Variants in CYB5R4 observed in about 807,000 individuals in gnomAD.
CYB5R4 encodes cytochrome b5 reductase 4.
A neutral mutation model predicts 70.2 loss-of-function variants in CYB5R4; 55 were observed. The ratio of observed to expected loss-of-function variants is 0.78; its 90% CI spans 0.63 to 0.98. The LOEUF (loss-of-function observed/expected upper bound fraction) is 0.98, where lower values mean the gene tolerates loss of function less well. Among genes scored for constraint, CYB5R4 ranks in the 50% least tolerant of loss-of-function variants. The pLI, the probability that CYB5R4 is intolerant of heterozygous loss-of-function variation, is 0.00. For synonymous variants in CYB5R4, 197 were observed against 199.5 expected, an observed-to-expected ratio of 0.99 and a Z score of 0.11; for missense variants, 562 against 612.6, an observed-to-expected ratio of 0.92 and a Z score of 0.87.
At chr6:83,930,252 A>G (rs2099467948) in intron 10 of CYB5R4, among the ~76,000 whole-genome samples, 2 of 152,122 alleles carry the variant, frequency 1.3e-5, no homozygotes, top group Non-Finnish European at 2.9e-5. Context: ...CTTAAGAAAA[A>G]ATGAAGTTTG....
intron 8 of CYB5R4, 24 bp downstream of exon 8, chr6:83,921,199 G>T: frequency 6.9e-7 from 1 of 1,448,112 alleles, no homozygotes; most frequent in South Asian, 1.3e-5. Flanking sequence ...TATTATTAAT[G>T]GAAAGAGCTC....
intron 5 of CYB5R4, among the ~76,000 whole-genome samples, chr6:83,915,552 T>C (rs541348334): frequency 1.3e-5 from 2 of 152,340 alleles, no homozygotes; most frequent in Admixed American, 6.5e-5. Context: ...TTCCACCACA[T>C]GTGGCTTCCA....
intron 5 of CYB5R4, among the ~76,000 whole-genome samples, chr6:83,915,524 A>T (rs979240953): frequency 2.6e-5 from 4 of 152,198 alleles, no homozygotes; most frequent in African/African-American, 9.6e-5. Context: ...TTGATTACCG[A>T]TAGACTAGGC....
Position 83,914,401 on chromosome 6 carries a change from T to G in CYB5R4, c.413-15T>G, listed in dbSNP as rs1188798530. 5 of 1,529,840 alleles carry G rather than the reference T, an allele frequency of 3.3e-6. No individual in the cohort carries two copies. The highest frequency in any genetic ancestry group is 1.4e-5 in the African/African-American group (1 of 72,114). 94.8% of individuals were successfully genotyped at this position (1,529,840 alleles called of 1,614,324 possible). ...AGTATTCTTATTTGACTTTTTTTTC[T>G]AAATCACTATACAGACTATCGTGAG... On this transcript the variant is annotated splice_polypyrimidine_tract_variant and intron_variant, in intron 4 of 15. Coordinates refer to ENST00000369681, the MANE Select transcript of CYB5R4 (RefSeq NM_016230.4).
intron 5 of CYB5R4, among the ~76,000 whole-genome samples, chr6:83,915,629 G>A (rs991527456): frequency 1.3e-5 from 2 of 152,170 alleles, no homozygotes; most frequent in Non-Finnish European, 2.9e-5. Context: ...GTAAAAGGTG[G>A]CATTAAGTAT....
Position 83,963,559 on chromosome 6 carries a change from G to T in CYB5R4, c.*3681G>T, listed in dbSNP as rs1466125287. On this transcript the variant is annotated 3_prime_UTR_variant, in exon 16 of 16. Transcript: ENST00000369681. ...AGTCTCTTGGTGTCTTTCAACATTGGTTTTATTTTGAAGTCATTTTCACCC... is the reference window on the plus strand; with the variant it reads ...AGTCTCTTGGTGTCTTTCAACATTGTTTTTATTTTGAAGTCATTTTCACCC... 1.3e-5 allele frequency: 2 copies of T among 152,170 alleles called. No individual in the cohort carries two copies. Among genetic ancestry groups the T allele is most frequent in the African/African-American group, 2.4e-5 (1 of 41,438 alleles). The allele number at this position is 152,170 out of a possible 1,614,324, so 9.4% of individuals were successfully genotyped here.
intron 2 of CYB5R4, among the ~76,000 whole-genome samples, chr6:83,886,215 G>T (rs1341203015): frequency 6.6e-6 from 1 of 152,036 alleles, no homozygotes; most frequent in African/African-American, 2.4e-5. Context: ...TTTTCATAAA[G>T]CCACCAGTCC....
intron 3 of CYB5R4, among the ~76,000 whole-genome samples, chr6:83,907,582 A>G (rs1402398052): frequency 1.3e-5 from 2 of 152,092 alleles, no homozygotes; most frequent in Non-Finnish European, 2.9e-5. Flanking sequence ...TTCATCATCC[A>G]GGTACTAAGC....
At chr6:83,880,921 T>A (rs1193641663) in intron 2 of CYB5R4, among the ~76,000 whole-genome samples, 1 of 152,134 alleles carries the variant, frequency 6.6e-6, no homozygotes, top group Non-Finnish European at 1.5e-5. Flanking sequence ...CTGGGAGCTG[T>A]TTAGGAATGG....
intron 14 of CYB5R4, among the ~76,000 whole-genome samples, chr6:83,948,067 A>G (rs896509193): frequency 2.0e-5 from 3 of 152,236 alleles, no homozygotes; most frequent in Non-Finnish European, 4.4e-5. Flanking sequence ...AGATACATGC[A>G]CATGTATGTT....
Position 83,922,473 on chromosome 6 carries a change from A to G in CYB5R4, c.691+3A>G, listed in dbSNP as rs374351588. ...TGAGGTTCAGGAAGATTTTTCTGGT[A>G]AGCTACCAAAAACCAAAAATTATGT... On this transcript the variant is annotated splice_donor_region_variant and intron_variant, in intron 9 of 15. Coordinates refer to ENST00000369681, the MANE Select transcript of CYB5R4 (RefSeq NM_016230.4). 15 of 1,612,896 alleles carry G rather than the reference A, an allele frequency of 9.3e-6. No homozygotes were observed. The African/African-American group carries it at 1.5e-4, about 16-fold the overall frequency.
intron 10 of CYB5R4, among the ~76,000 whole-genome samples, chr6:83,925,661 C>T (rs2099467166): frequency 6.6e-6 from 1 of 152,040 alleles, no homozygotes; most frequent in African/African-American, 2.4e-5. Flanking sequence ...ATTTTTCATC[C>T]TTCATGCTGG....
At chr6:83,898,189 C>T (rs1398622526) in intron 3 of CYB5R4, among the ~76,000 whole-genome samples, 4 of 152,100 alleles carry the variant, frequency 2.6e-5, no homozygotes, top group Non-Finnish European at 5.9e-5. Context: ...TATGGCTAGC[C>T]AGTTTTCCCA....
intron 10 of CYB5R4, among the ~76,000 whole-genome samples, chr6:83,927,729 T>C (rs1218514269): frequency 1.3e-5 from 2 of 152,128 alleles, no homozygotes; most frequent in Non-Finnish European, 2.9e-5. Context: ...CCATGTCGTT[T>C]TGGGTTTTTA....
At chr6:83,881,892 AAAT>A (rs2099459496) in intron 2 of CYB5R4, among the ~76,000 whole-genome samples, 1 of 152,216 alleles carries the variant, frequency 6.6e-6, no homozygotes, top group Non-Finnish European at 1.5e-5. Context: ...CATTTACTTT[AAAT>A]TATTATAAAA....
intron 2 of CYB5R4, among the ~76,000 whole-genome samples, chr6:83,881,502 G>A (rs140941115): frequency 7.9e-5 from 12 of 152,278 alleles, no homozygotes; most frequent in African/African-American, 2.9e-4. Context: ...TATTGAATTC[G>A]ATAACTTCTT....
intron 14 of CYB5R4, among the ~76,000 whole-genome samples, chr6:83,947,069 A>G (rs2099470734): frequency 6.6e-6 from 1 of 152,190 alleles, no homozygotes; most frequent in Admixed American, 6.5e-5. Context: ...TAAATTTCAT[A>G]TGGAACCAAA....
Position 83,936,219 on chromosome 6 carries a change from TC to T in CYB5R4, c.956-4del. ...TAATTATTTTGCTGTGATTTTTTTT[TC>T]TAGGTACAGAAATAGTAAAGCCATA... On this transcript the variant is annotated splice_polypyrimidine_tract_variant and splice_region_variant and intron_variant, in intron 11 of 15. Transcript: ENST00000369681. The T allele has an allele frequency of 2.0e-6, 3 of 1,526,230 alleles. No homozygotes were observed. Among genetic ancestry groups the T allele is most frequent in the Non-Finnish European group, 2.6e-6 (3 of 1,139,512 alleles). The allele number at this position is 1,526,230 out of a possible 1,614,324, so 94.5% of individuals were successfully genotyped here.
In CYB5R4 at chr6:83,964,105, GA is replaced by G; in HGVS notation, c.*4231del. ...CAGGTACGTCTTTTATCAGCAGCGT[GA>G]AAATGGACTAATACAGTAAATTGGT... On this transcript the variant is annotated 3_prime_UTR_variant, in exon 16 of 16. Coordinates refer to ENST00000369681, the MANE Select transcript of CYB5R4 (RefSeq NM_016230.4). 1.1e-5 allele frequency: 2 copies of G among 173,988 alleles called. No homozygotes were observed. Among genetic ancestry groups the G allele is most frequent in the Non-Finnish European group, 2.4e-5 (2 of 83,912 alleles). The allele number at this position is 173,988 out of a possible 1,614,324, so 10.8% of individuals were successfully genotyped here.
Sources: gnomAD v4.1 joint callset for allele counts (sites outside exome capture counted in the v4.1 genomes callset) on GRCh38, gnomAD v4.1.1 for gene constraint, MANE v1.5 for transcripts, NCBI Gene and HGNC (gene_info 2026-07-23, HGNC 2026-07-21) for gene names.